The following CADM2 variants were observed in gnomAD, a reference collection of about 807,000 sequenced individuals.
CADM2 encodes the protein immunoglobulin superfamily member 4D.
CADM2 carries 12 observed loss-of-function variants against 49.8 expected under a neutral mutation model. The ratio of observed to expected loss-of-function variants is 0.24; its 90% CI spans 0.15 to 0.39. The LOEUF is 0.39. Among genes scored for constraint, CADM2 ranks in the 10% least tolerant of loss-of-function variants. The pLI is 1.00. For synonymous variants in CADM2, 214 were observed against 175.4 expected (o/e 1.22, Z -1.74); for missense variants, 378 against 492.3 (o/e 0.77, Z 2.20).
At chr3:85,171,611 G>A (rs1261525873) in intron 1 of CADM2, among the ~76,000 whole-genome samples, 1 of 152,172 alleles carries the variant, frequency 6.6e-6, no homozygotes, top group Non-Finnish European at 1.5e-5. Context: ...ATAATGTAGA[G>A]ATCGTGCTCA....
At chr3:85,589,498 T>G (rs1165578499) in intron 1 of CADM2, among the ~76,000 whole-genome samples, 1 of 152,036 alleles carries the variant, frequency 6.6e-6, no homozygotes, top group Non-Finnish European at 1.5e-5. Context: ...TGTTCTGTCA[T>G]AGGTACCAGA....
intron 1 of CADM2, among the ~76,000 whole-genome samples, chr3:85,574,647 G>A (rs1297704454): frequency 1.3e-5 from 2 of 152,166 alleles, no homozygotes; most frequent in Non-Finnish European, 2.9e-5. Context: ...CAAATGAACC[G>A]AAGTAAAACA....
chr3:85,829,948 A>T (rs767509078), intron 3 of CADM2, among the ~76,000 whole-genome samples: 1 of 151,934 alleles, frequency 6.6e-6, no homozygotes, highest in Non-Finnish European at 1.5e-5. Flanking sequence ...TTACCTCTTG[A>T]CTATTGTGAA....
chr3:85,589,874 G>A (rs912441737), intron 1 of CADM2, among the ~76,000 whole-genome samples: 7 of 151,910 alleles, frequency 4.6e-5, no homozygotes, highest in African/African-American at 1.4e-4. Flanking sequence ...GGAGGAGTAA[G>A]TAAAATACAG....
intron 1 of CADM2, among the ~76,000 whole-genome samples, chr3:85,688,933 G>T (rs1204337768): frequency 6.6e-6 from 1 of 152,112 alleles, no homozygotes; most frequent in Admixed American, 6.6e-5. Context: ...TCATTCCTAT[G>T]TAGTTACCCA....
rs1031087081 is a variant in CADM2 at position 85,698,225 on chromosome 3, G to A, written c.62-28297G>A. Among the ~76,000 whole-genome samples, 11 of 152,208 alleles carry A rather than the reference G, an allele frequency of 7.2e-5. No individual in the cohort carries two copies. In the South Asian group the frequency reaches 2.1e-3, roughly 29 times the overall value. ...ACCTACTGATAGTCAGCTGTCAGAG[G>A]GGCTGGTCCAAGGAAGTTTCACTCA... On this transcript the variant is annotated intron_variant, in intron 1 of 9. Coordinates refer to ENST00000383699, the MANE Select transcript of CADM2 (RefSeq NM_001167675.2).
chr3:85,894,111 T>G (rs1461989434), intron 5 of CADM2, among the ~76,000 whole-genome samples: 1 of 152,176 alleles, frequency 6.6e-6, no homozygotes, highest in African/African-American at 2.4e-5. Flanking sequence ...TGTCCAACAA[T>G]GATAGACTGG....
chr3:84,975,208 A>G lies in CADM2; in HGVS notation c.61+15540A>G, dbSNP rs554479218. Among the ~76,000 whole-genome samples the G allele has an allele frequency of 2.7e-4, 41 of 151,942 alleles. 1 individual carries two copies. The South Asian group carries it at 8.1e-3, about 30-fold the overall frequency. ...TGGTGCTACCTGATAGTCAAAAATA[A>G]AACAGTTATTTAAAACAAAATAAGT... On this transcript the variant is annotated intron_variant, in intron 1 of 9. Transcript: ENST00000383699.
At chr3:85,105,527 T>A (rs1253452258) in intron 1 of CADM2, among the ~76,000 whole-genome samples, 4 of 152,102 alleles carry the variant, frequency 2.6e-5, no homozygotes, top group Non-Finnish European at 4.4e-5. Context: ...ATTGTGGAAG[T>A]CAGTGTGGCA....
At chr3:85,463,827 A>G (rs1039025123) in intron 1 of CADM2, among the ~76,000 whole-genome samples, 2 of 152,136 alleles carry the variant, frequency 1.3e-5, no homozygotes, top group Non-Finnish European at 2.9e-5. Context: ...TAGACCATGT[A>G]TTTACAATTC....
chr3:85,187,405 A>G (rs1390496231), intron 1 of CADM2, among the ~76,000 whole-genome samples: 1 of 152,126 alleles, frequency 6.6e-6, no homozygotes, highest in Non-Finnish European at 1.5e-5. Flanking sequence ...AGTCCTCTGA[A>G]TAATATCAAC....
chr3:85,792,887 T>C (rs1335184490), intron 2 of CADM2, among the ~76,000 whole-genome samples: 1 of 152,212 alleles, frequency 6.6e-6, no homozygotes, highest in East Asian at 1.9e-4. Flanking sequence ...CATCATAGCC[T>C]ATCACAGAGG....
intron 1 of CADM2, among the ~76,000 whole-genome samples, chr3:85,673,563 C>T (rs1289445148): frequency 6.6e-6 from 1 of 150,474 alleles, no homozygotes; most frequent in Admixed American, 6.6e-5. Flanking sequence ...TAAAAAAACA[C>T]CAATTCTGAC....
At chr3:85,758,510 C>A (rs2069224368) in intron 2 of CADM2, among the ~76,000 whole-genome samples, 1 of 152,076 alleles carries the variant, frequency 6.6e-6, no homozygotes, top group South Asian at 2.1e-4. Flanking sequence ...TAAAGATACT[C>A]TTAATTTTAT....
chr3:84,982,737 A>ATATATATATG (rs1553663805), intron 1 of CADM2, among the ~76,000 whole-genome samples: 33 of 115,320 alleles, frequency 2.9e-4, no homozygotes, highest in Admixed American at 3.9e-4. Flanking sequence ...ATATATATAC[A>ATATATATATG]TTTTTTGTTT....
At chr3:85,304,260 T>G (rs2044164630) in intron 1 of CADM2, among the ~76,000 whole-genome samples, 1 of 151,848 alleles carries the variant, frequency 6.6e-6, no homozygotes, top group Admixed American at 6.6e-5. Context: ...CTTACCGTAC[T>G]CCTTCATGTA....
At chr3:85,515,603 G>A (rs1261342644) in intron 1 of CADM2, among the ~76,000 whole-genome samples, 12 of 128,412 alleles carry the variant, frequency 9.3e-5, no homozygotes, top group African/African-American at 1.3e-4. Context: ...GTGCCACCAC[G>A]CCCACTAATA....
intron 1 of CADM2, among the ~76,000 whole-genome samples, chr3:85,658,615 T>TATATATATATATAC (rs1553656735): frequency 7.6e-6 from 1 of 132,336 alleles, no homozygotes; most frequent in African/African-American, 2.9e-5. Context: ...TATATATATA[T>TATATATATATATAC]ATACATGTAT....
In CADM2 at chr3:85,369,407, C is replaced by A. The variant is rs948503391; in HGVS notation, c.62-357115C>A. 6.6e-5 allele frequency among the ~76,000 whole-genome samples: 10 copies of A among 152,198 alleles called. 1 individual carries two copies. In the South Asian group the frequency reaches 8.3e-4, roughly 13 times the overall value. On this transcript the variant is annotated intron_variant, in intron 1 of 9. Transcript: ENST00000383699. ...CAAAAGTTCAGGAGACCGAGTTGGG[C>A]GGATCACCTGAGGTCAGGAGTTTGA...
Sources: gnomAD v4.1 joint callset for allele counts (sites outside exome capture counted in the v4.1 genomes callset) on GRCh38, gnomAD v4.1.1 for gene constraint, MANE v1.5 for transcripts, NCBI Gene and HGNC (gene_info 2026-07-23, HGNC 2026-07-21) for gene names.